The following GATA4 variants were observed in gnomAD, a reference collection of about 807,000 sequenced individuals.
GATA4 encodes GATA binding protein 4.
GATA4 carries 7 observed loss-of-function variants against 37.9 expected under a neutral mutation model. The ratio of observed to expected loss-of-function variants is 0.18; its 90% CI spans 0.11 to 0.35. The LOEUF (loss-of-function observed/expected upper bound fraction) is 0.35. Ranked by LOEUF, GATA4 falls within the 10% of genes least tolerant of loss-of-function variation. GATA4 has a pLI of 1.00. For synonymous variants in GATA4, 372 were observed against 292.6 expected, an observed-to-expected ratio of 1.27 and a Z score of -2.77; for missense variants, 647 against 653.0, an observed-to-expected ratio of 0.99 and a Z score of 0.10.
Position 11,708,641 on chromosome 8 carries a change from TC to T in GATA4, c.332del (p.Pro111ArgfsTer96). 2 of 1,329,838 alleles carry T rather than the reference TC, an allele frequency of 1.5e-6. No individual in the cohort carries two copies. The highest frequency in any genetic ancestry group is 2.1e-5 in the South Asian group (1 of 47,264). The allele number at this position is 1,329,838 out of a possible 1,614,324, so 82.4% of individuals were successfully genotyped here. The stretch of plus-strand genomic sequence containing the variant: ...CCGCCGGTGTCGCCGCGCTTCTCCT[TC>T]CCGGGGACCACCGGGTCCCTGGCGG... ...TPPPVSPRFS[F>X]PGTTGSLAAA... On this transcript the variant is annotated frameshift_variant, in exon 2 of 7. Transcript: ENST00000532059. LOFTEE classifies it high-confidence loss of function. This position sits in a 1 kb window ranked among gnomAD's most constrained non-coding sequence, Gnocchi z 6.7.
intron 1 of GATA4, among the ~76,000 whole-genome samples, chr8:11,687,519 G>T (rs1304415583): frequency 6.6e-6 from 1 of 152,110 alleles, no homozygotes; most frequent in Non-Finnish European, 1.5e-5. Context: ...AATTGTTGTG[G>T]TTTATCAAAG....
At chr8:11,743,610 C>A (rs569808294) in intron 2 of GATA4, among the ~76,000 whole-genome samples, 1 of 152,248 alleles carries the variant, frequency 6.6e-6, no homozygotes, top group Non-Finnish European at 1.5e-5. Context: ...TTCTTCCTCC[C>A]GTGCCTTCCC....
At chr8:11,731,647 C>T (rs1365922405) in intron 2 of GATA4, among the ~76,000 whole-genome samples, 1 of 152,186 alleles carries the variant, frequency 6.6e-6, no homozygotes, top group African/African-American at 2.4e-5. Flanking sequence ...ACGATGAAAA[C>T]AGTTGTAGAG....
At chr8:11,693,920 T>C (rs1799423728) in intron 1 of GATA4, among the ~76,000 whole-genome samples, 1 of 151,746 alleles carries the variant, frequency 6.6e-6, no homozygotes, top group African/African-American at 2.4e-5. Flanking sequence ...TGTGCGTCTG[T>C]GTGCATGTGT....
At chr8:11,686,765 C>G (rs1277008371) in intron 1 of GATA4, among the ~76,000 whole-genome samples, 1 of 152,064 alleles carries the variant, frequency 6.6e-6, no homozygotes, top group Non-Finnish European at 1.5e-5. Context: ...TTTGGGAGGC[C>G]GAGGCGGTCA....
At chr8:11,752,554 G>A (rs566060438) in intron 4 of GATA4, among the ~76,000 whole-genome samples, 21 of 152,296 alleles carry the variant, frequency 1.4e-4, no homozygotes, top group Admixed American at 5.2e-4. Flanking sequence ...CCATCAGGTC[G>A]GTCCCACAAC....
At chr8:11,720,657 A>G (rs1268046489) in intron 2 of GATA4, among the ~76,000 whole-genome samples, 3 of 152,132 alleles carry the variant, frequency 2.0e-5, no homozygotes, top group African/African-American at 7.2e-5. Flanking sequence ...TGTGTTCATA[A>G]GTTCTCATCA....
At chr8:11,677,126 A>C (rs1377251724) in intron 1 of GATA4, 1 of 151,276 alleles carries the variant, frequency 6.6e-6, no homozygotes, top group Non-Finnish European at 1.5e-5. Context: ...TGCTGGGGGA[A>C]TGGAAGGCTT....
At chr8:11,716,658 C>T (rs1303583745) in intron 2 of GATA4, among the ~76,000 whole-genome samples, 3 of 152,230 alleles carry the variant, frequency 2.0e-5, no homozygotes, top group Non-Finnish European at 4.4e-5. Flanking sequence ...TGGGCACAAA[C>T]AGTCACGTAC....
At chr8:11,693,558 C>CAGAGAG (rs1335915996) in intron 1 of GATA4, among the ~76,000 whole-genome samples, 38 of 82,398 alleles carry the variant, frequency 4.6e-4, no homozygotes, top group African/African-American at 1.5e-3. Flanking sequence ...CACACACACA[C>CAGAGAG]ACACAGAGAG....
Position 11,721,053 on chromosome 8 carries a change from G to C in GATA4, c.616+12125G>C, listed in dbSNP as rs777161395. ...AGGCTGTAAAGATACAAAATGAACA[G>C]AAGTGTCTCCGAATCCCAGCAACTT... On this transcript the variant is annotated intron_variant, in intron 2 of 6. Coordinates refer to ENST00000532059, the MANE Select transcript of GATA4 (RefSeq NM_001308093.3). Among the ~76,000 whole-genome samples the C allele has an allele frequency of 8.0e-4, 122 of 151,998 alleles. 2 individuals carry two copies. Among genetic ancestry groups the C allele is most frequent in the South Asian group, 4.1e-4 (2 of 4,826 alleles).
Position 11,709,014 on chromosome 8 carries a change from C to A in GATA4, c.616+86C>A. On this transcript the variant is annotated intron_variant, in intron 2 of 6. Coordinates refer to ENST00000532059, the MANE Select transcript of GATA4 (RefSeq NM_001308093.3). This position sits in a 1 kb window ranked among gnomAD's most constrained non-coding sequence, Gnocchi z 4.3. ...TGTCGAGGGCCTCTTGTTTTTCCACCAACGCCTTCGTTGGGCTGGGGATGG... is the reference window on the plus strand; with the variant it reads ...TGTCGAGGGCCTCTTGTTTTTCCACAAACGCCTTCGTTGGGCTGGGGATGG... 7.3e-7 allele frequency: 1 copy of A among 1,371,880 alleles called. No individual in the cohort carries two copies. Among genetic ancestry groups the A allele is most frequent in the Non-Finnish European group, 9.7e-7 (1 of 1,033,750 alleles). The allele number at this position is 1,371,880 out of a possible 1,614,324, so 85.0% of individuals were successfully genotyped here. A position where few individuals can be genotyped will look rare whatever the true frequency, so the allele number is the denominator to read the frequency against.
At chr8:11,724,483 A>G (rs1800821950) in intron 2 of GATA4, among the ~76,000 whole-genome samples, 1 of 152,138 alleles carries the variant, frequency 6.6e-6, no homozygotes, top group Admixed American at 6.5e-5. Flanking sequence ...CTCCAACGTA[A>G]TTCTTCATTT....
At chr8:11,684,532 C>A (rs910599366) in intron 1 of GATA4, among the ~76,000 whole-genome samples, 2 of 152,182 alleles carry the variant, frequency 1.3e-5, no homozygotes, top group African/African-American at 4.8e-5. Flanking sequence ...AAATGTACAT[C>A]GTCCCTAGGT....
At chr8:11,733,953 G>A (rs564468348) in intron 2 of GATA4, among the ~76,000 whole-genome samples, 33 of 152,342 alleles carry the variant, frequency 2.2e-4, no homozygotes, top group African/African-American at 7.2e-4. Context: ...CCTGCCACGA[G>A]GCTGGCATGA....
At chr8:11,694,646 T>C (rs547513897) in intron 1 of GATA4, 28 of 412,668 alleles carry the variant, frequency 6.8e-5, no homozygotes, top group African/African-American at 5.8e-4. Flanking sequence ...TTGTTTTTGT[T>C]CATGGTGTTG....
intron 1 of GATA4, among the ~76,000 whole-genome samples, chr8:11,682,593 G>A (rs1480851275): frequency 1.1e-5 from 1 of 92,346 alleles, no homozygotes. Context: ...CTTAAAGAAA[G>A]CTTTAACTCT....
intron 1 of GATA4, chr8:11,680,488 G>C (rs77891230): frequency 4.1e-6 from 4 of 985,346 alleles, no homozygotes; most frequent in African/African-American, 3.5e-5. Context: ...GATGCATTTC[G>C]ATCAATCTGG....
intron 2 of GATA4, among the ~76,000 whole-genome samples, chr8:11,710,049 G>A (rs910302980): frequency 6.6e-6 from 1 of 152,240 alleles, no homozygotes; most frequent in African/African-American, 2.4e-5. Context: ...ACTTTGAAGA[G>A]TAAAGGCTAC....
Sources: allele counts gnomAD v4.1 joint callset (sites outside exome capture counted in the v4.1 genomes callset), GRCh38; gene constraint gnomAD v4.1.1; non-coding constraint Gnocchi (gnomAD v3.1); transcripts MANE v1.5; gene names NCBI Gene and HGNC (gene_info 2026-07-23, HGNC 2026-07-21).